QRFPR: variants seen among roughly 807,000 people sequenced by gnomAD.
The protein encoded by QRFPR is pyroglutamylated RF-amide peptide receptor.
QRFPR carries 37 observed loss-of-function variants against 31.3 expected under a neutral mutation model. The observed-to-expected ratio is 1.18, with a 90% CI of 0.91 to 1.56. The LOEUF (loss-of-function observed/expected upper bound fraction) is 1.56. Ranked by LOEUF, QRFPR falls within the 40% of genes most tolerant of loss-of-function variation. The pLI, the probability that QRFPR is intolerant of heterozygous loss-of-function variation, is 0.00. For synonymous variants in QRFPR, 197 were observed against 192.0 expected, an observed-to-expected ratio of 1.03 and a Z score of -0.22; for missense variants, 542 against 532.5, an observed-to-expected ratio of 1.02 and a Z score of -0.18.
rs558728633 is a variant in QRFPR at position 121,336,796 on chromosome 4, C to T, written c.561+11G>A. 29 of 1,599,316 alleles carry T rather than the reference C, an allele frequency of 1.8e-5. No homozygotes were observed. The South Asian group carries it at 3.0e-4, about 16-fold the overall frequency. The stretch of plus-strand genomic sequence containing the variant: ...TCAACAATATGATTATACATCTCAA[C>T]TGGAGTCTACCTCAAGTTGTTGCAC... On this transcript the variant is annotated intron_variant, in intron 3 of 5. Transcript: ENST00000394427.
intron 2 of QRFPR, chr4:121,340,152 A>AGT: frequency 4.3e-6 from 1 of 229,924 alleles, no homozygotes; most frequent in Non-Finnish European, 8.4e-6. Context: ...CAATCTAATG[A>AGT]GTGTTAATGT....
At chr4:121,345,206 G>A (rs1244360704) in intron 1 of QRFPR, among the ~76,000 whole-genome samples, 3 of 152,228 alleles carry the variant, frequency 2.0e-5, no homozygotes, top group African/African-American at 7.2e-5. Context: ...AGTGTTGAAA[G>A]GTTGAATGCA....
At chr4:121,343,896 T>A (rs1279712657) in intron 1 of QRFPR, among the ~76,000 whole-genome samples, 2 of 152,224 alleles carry the variant, frequency 1.3e-5, no homozygotes, top group Non-Finnish European at 2.9e-5. Flanking sequence ...TTCATTGATA[T>A]CAGTATACAC....
At chr4:121,367,922 C>A (rs1726158266) in intron 1 of QRFPR, among the ~76,000 whole-genome samples, 1 of 144,558 alleles carries the variant, frequency 6.9e-6, no homozygotes, top group Non-Finnish European at 1.5e-5. Flanking sequence ...TTTTTATTGT[C>A]AAAACAAGAG....
intron 1 of QRFPR, among the ~76,000 whole-genome samples, chr4:121,380,093 A>G (rs1192293777): frequency 6.6e-6 from 1 of 151,848 alleles, no homozygotes; most frequent in Non-Finnish European, 1.5e-5. Flanking sequence ...CCAGGTGAAC[A>G]CAGGTGGCGA....
At chr4:121,365,298 A>G (rs2110480922) in intron 1 of QRFPR, among the ~76,000 whole-genome samples, 1 of 142,382 alleles carries the variant, frequency 7.0e-6, no homozygotes, top group East Asian at 2.1e-4. Flanking sequence ...CTAAAAATAC[A>G]AAAAAATTGG....
chr4:121,365,617 T>TAA (rs1726112076), intron 1 of QRFPR, among the ~76,000 whole-genome samples: 2 of 10,842 alleles, frequency 1.8e-4, no homozygotes, highest in South Asian at 3.3e-3. Context: ...ATATATTATA[T>TAA]ATATTATATA....
intron 1 of QRFPR, chr4:121,369,596 G>C: frequency 6.2e-7 from 1 of 1,611,548 alleles, no homozygotes; most frequent in Non-Finnish European, 8.5e-7. Flanking sequence ...TTCCATTGGA[G>C]AGGGCTTCTG....
At chr4:121,349,439 T>G (rs896916592) in intron 1 of QRFPR, among the ~76,000 whole-genome samples, 6 of 152,226 alleles carry the variant, frequency 3.9e-5, no homozygotes, top group Non-Finnish European at 8.8e-5. Flanking sequence ...ATTATGGAGA[T>G]GTTCTTGTTT....
chr4:121,347,689 G>A (rs573653993), intron 1 of QRFPR, among the ~76,000 whole-genome samples: 19 of 151,890 alleles, frequency 1.3e-4, no homozygotes, highest in African/African-American at 2.4e-4. Context: ...TCCTATTTTC[G>A]CATTCTTCTT....
Position 121,330,309 on chromosome 4 carries a change from A to G in QRFPR, c.895+117T>C. On this transcript the variant is annotated intron_variant, in intron 5 of 5. Coordinates refer to ENST00000394427, the MANE Select transcript of QRFPR (RefSeq NM_198179.3). ...GATCTTGAAGACATGAAAGAAATATATGAAATGTTAGGTATTTGATTATCC... is the reference window on the plus strand; with the variant it reads ...GATCTTGAAGACATGAAAGAAATATGTGAAATGTTAGGTATTTGATTATCC... 8.6e-6 allele frequency: 6 copies of G among 694,406 alleles called. No individual in the cohort carries two copies. The South Asian group carries it at 9.3e-5, about 11-fold the overall frequency. The allele number at this position is 694,406 out of a possible 1,614,324, so 43.0% of individuals were successfully genotyped here. A position where few individuals can be genotyped will look rare whatever the true frequency, so the allele number is the denominator to read the frequency against.
At position 121,366,553 on chromosome 4, in the gene QRFPR, C is replaced by A. The variant is rs1441473532; in HGVS notation, c.340+13755G>T. On this transcript the variant is annotated intron_variant, in intron 1 of 5. Coordinates refer to ENST00000394427, the MANE Select transcript of QRFPR (RefSeq NM_198179.3). Reference sequence around the variant, plus strand: ...AACCGAAAGAGGAAACCATGTGGGACAGGGATGGCCTGGCCCTTGCTGAGG... The same window carrying A: ...AACCGAAAGAGGAAACCATGTGGGAAAGGGATGGCCTGGCCCTTGCTGAGG... 1.1e-4 allele frequency among the ~76,000 whole-genome samples: 11 copies of A among 103,322 alleles called. 1 individual carries two copies. Among genetic ancestry groups the A allele is most frequent in the Non-Finnish European group, 2.3e-4 (11 of 47,700 alleles). 67.8% of individuals were successfully genotyped at this position (103,322 alleles called of 152,430 possible).
chr4:121,336,249 A>G (rs975888197), intron 3 of QRFPR, among the ~76,000 whole-genome samples: 3 of 152,050 alleles, frequency 2.0e-5, no homozygotes, highest in African/African-American at 7.2e-5. Context: ...TCTGAAACCA[A>G]CTCAGCACTC....
chr4:121,343,369 C>A (rs1382137617), intron 1 of QRFPR, among the ~76,000 whole-genome samples: 1 of 152,224 alleles, frequency 6.6e-6, no homozygotes, highest in Non-Finnish European at 1.5e-5. Context: ...CCTTCCCAAT[C>A]CTTTTTGGGG....
intron 1 of QRFPR, among the ~76,000 whole-genome samples, chr4:121,360,725 T>C (rs1445367817): frequency 6.6e-6 from 1 of 152,214 alleles, no homozygotes; most frequent in Non-Finnish European, 1.5e-5. Flanking sequence ...ACTGCCTCAG[T>C]AGTGTTGCCT....
chr4:121,348,130 G>C lies in QRFPR; in HGVS notation c.341-7520C>G, dbSNP rs1725692726. Among the ~76,000 whole-genome samples, 3 of 152,222 alleles carry C rather than the reference G, an allele frequency of 2.0e-5. No homozygotes were observed. The South Asian group carries it at 6.2e-4, about 32-fold the overall frequency. ...CTCTAGAATTGGGCTGTCTGAGTTT[G>C]AATCATGGGTCCATCACTTGCTAAC... On this transcript the variant is annotated intron_variant, in intron 1 of 5. Coordinates refer to ENST00000394427, the MANE Select transcript of QRFPR (RefSeq NM_198179.3).
chr4:121,355,834 C>T (rs1171472472), intron 1 of QRFPR, among the ~76,000 whole-genome samples: 2 of 151,942 alleles, frequency 1.3e-5, no homozygotes, highest in Non-Finnish European at 2.9e-5. Flanking sequence ...CATTGAGGGG[C>T]ATACTGTTTA....
chr4:121,359,515 A>G (rs1457520443), intron 1 of QRFPR, among the ~76,000 whole-genome samples: 4 of 151,778 alleles, frequency 2.6e-5, no homozygotes, highest in African/African-American at 9.7e-5. Context: ...TGAACATCAG[A>G]CTCCAAGTCC....
At position 121,379,342 on chromosome 4, in the gene QRFPR, T is replaced by TAGA. The variant is rs139019601; in HGVS notation, c.340+963_340+965dup. Among the ~76,000 whole-genome samples, 27 of 152,312 alleles carry TAGA rather than the reference T, an allele frequency of 1.8e-4. 1 individual carries two copies. In the East Asian group the frequency reaches 4.8e-3, roughly 27 times the overall value. On this transcript the variant is annotated intron_variant, in intron 1 of 5. Coordinates refer to ENST00000394427, the MANE Select transcript of QRFPR (RefSeq NM_198179.3). ...GAGTTTAAGAGAATTAGTAATGGGA[T>TAGA]AGAAATAGCAGAGATTGAAGGCATA...
Sources: gnomAD v4.1 joint callset for allele counts (sites outside exome capture counted in the v4.1 genomes callset) on GRCh38, gnomAD v4.1.1 for gene constraint, MANE v1.5 for transcripts, NCBI Gene and HGNC (gene_info 2026-07-23, HGNC 2026-07-21) for gene names.